Variants in COL18A1 observed in about 807,000 individuals in gnomAD.
COL18A1 encodes the protein collagen alpha-1(XVIII) chain.
In COL18A1, 133 loss-of-function variants were observed where a neutral mutation model predicts 168.0. That is an observed-to-expected ratio of 0.79 (90% confidence interval 0.69 to 0.91). The LOEUF is 0.91. Among genes scored for constraint, COL18A1 ranks in the 40% least tolerant of loss-of-function variants. The pLI, the probability that COL18A1 is intolerant of heterozygous loss-of-function variation, is 0.00. For synonymous variants in COL18A1, 949 were observed against 809.0 expected, an observed-to-expected ratio of 1.17 and a Z score of -2.94; for missense variants, 2,126 against 1,925.4, an observed-to-expected ratio of 1.10 and a Z score of -1.95.
At chr21:45,474,799 C>G (rs986363507) in intron 4 of COL18A1, among the ~76,000 whole-genome samples, 3 of 152,248 alleles carry the variant, frequency 2.0e-5, no homozygotes, top group Non-Finnish European at 1.5e-5. Context: ...CAGGAGACAC[C>G]GTGGCTGGAC....
At chr21:45,492,853 A>G in intron 24 of COL18A1, 140 bp downstream of exon 24, 1 of 782,324 alleles carries the variant, frequency 1.3e-6, no homozygotes, top group Non-Finnish European at 2.2e-6. Context: ...CAAGGAAATG[A>G]TGGGAGTGGG....
intron 21 of COL18A1, 86 bp from the exon 22 acceptor site, chr21:45,491,139 G>A (rs957876101): frequency 2.4e-6 from 3 of 1,239,038 alleles, no homozygotes; most frequent in Middle Eastern, 2.0e-4. Context: ...GTGGGCTCTG[G>A]GCACCCCCTC....
intron 2 of COL18A1, among the ~76,000 whole-genome samples, chr21:45,446,034 A>G (rs1351044637): frequency 6.6e-6 from 1 of 152,206 alleles, no homozygotes. Context: ...GGTTATGAAA[A>G]AGAAAACCTT....
At position 45,452,832 on chromosome 21, in the gene COL18A1, CAT is replaced by C. The variant is rs112353504; in HGVS notation, c.107-15409_107-15408del. ...TGTGTATGCATGTGAGCATGTATGACATGTGTAAACATGTATGTATGTGTGGG... is the reference window on the plus strand; with the variant it reads ...TGTGTATGCATGTGAGCATGTATGACGTGTAAACATGTATGTATGTGTGGG... On this transcript the variant is annotated intron_variant, in intron 2 of 41. Transcript: ENST00000651438. Among the ~76,000 whole-genome samples the C allele has an allele frequency of 3.2e-3, 453 of 142,760 alleles. 2 individuals are homozygous for C. The highest frequency in any genetic ancestry group is 0.01 in the African/African-American group (373 of 36,318). The allele number at this position is 142,760 out of a possible 152,430, so 93.7% of individuals were successfully genotyped here. A position where few individuals can be genotyped will look rare whatever the true frequency, so the allele number is the denominator to read the frequency against.
intron 3 of COL18A1, 40 bp downstream of exon 3, chr21:45,468,826 T>A: frequency 1.6e-6 from 1 of 610,140 alleles, no homozygotes; most frequent in Non-Finnish European, 2.6e-6. Context: ...CTGGAGCAGC[T>A]GGGATGGGGT....
At chr21:45,408,568 G>T (rs568389185) in intron 2 of COL18A1, 1 of 152,384 alleles carries the variant, frequency 6.6e-6, no homozygotes, top group South Asian at 2.1e-4. Flanking sequence ...TGATTGCTGG[G>T]AACAGACAGT....
intron 13 of COL18A1, 62 bp from the exon 14 acceptor site, chr21:45,481,884 GCCCAGATAACCTGTTAA>G: frequency 9.9e-7 from 1 of 1,007,562 alleles, no homozygotes; most frequent in Non-Finnish European, 1.6e-6. Flanking sequence ...ACCTGCGGAA[GCCCAGATAACCTGTTAA>G]CCCAGAAATC....
intron 22 of COL18A1, 149 bp downstream of exon 22, chr21:45,491,463 C>CCG: frequency 2.5e-6 from 1 of 399,952 alleles, no homozygotes; most frequent in South Asian, 2.1e-5. Context: ...TCGGTGGGGG[C>CCG]TGCAGACGCC....
At chr21:45,495,857 A>G (rs1387393891) in intron 29 of COL18A1, 2 of 319,318 alleles carry the variant, frequency 6.3e-6, no homozygotes. Context: ...ACACTCATAC[A>G]TGTGCACGTA....
Position 45,477,970 on chromosome 21 carries a change from G to A in COL18A1, c.1221+5G>A, listed in dbSNP as rs1473793895. 7.0e-7 allele frequency: 1 copy of A among 1,431,358 alleles called. No homozygotes were observed. Among genetic ancestry groups the A allele is most frequent in the East Asian group, 2.5e-5 (1 of 40,470 alleles). The allele number at this position is 1,431,358 out of a possible 1,614,324, so 88.7% of individuals were successfully genotyped here. ...CCTGGAAGGGACGGCGAGCCGGTGAGTCCTCACGTCCCCCCGAGTCCGGCC... is the reference window on the plus strand; with the variant it reads ...CCTGGAAGGGACGGCGAGCCGGTGAATCCTCACGTCCCCCCGAGTCCGGCC... On this transcript the variant is annotated splice_donor_5th_base_variant and intron_variant, in intron 8 of 41. Coordinates refer to ENST00000651438, the MANE Select transcript of COL18A1 (RefSeq NM_001379500.1).
At chr21:45,504,261 A>AG in intron 33 of COL18A1, 155 bp from the exon 34 acceptor site, 1 of 868,966 alleles carries the variant, frequency 1.2e-6, no homozygotes, top group Non-Finnish European at 1.8e-6. Context: ...ATGCAGTGGG[A>AG]GGTGGGGAGT....
chr21:45,452,174 C>G (rs1186750881), intron 2 of COL18A1, among the ~76,000 whole-genome samples: 1 of 152,262 alleles, frequency 6.6e-6, no homozygotes, highest in Non-Finnish European at 1.5e-5. Context: ...ACAGTCGGGC[C>G]CTTTACACAG....
At position 45,480,123 on chromosome 21, in the gene COL18A1, GC is replaced by G; in HGVS notation, c.1370del (p.Pro457GlnfsTer10). The G allele has an allele frequency of 6.2e-7, 1 of 1,601,686 alleles. No homozygotes were observed. Among genetic ancestry groups the G allele is most frequent in the Non-Finnish European group, 8.6e-7 (1 of 1,169,174 alleles). ...CCCCAGGACCCCAAGGGCCTCCAGGGCCCCCAGGACCCTCCTTCAGACACGA... is the reference window on the plus strand; with the variant it reads ...CCCCAGGACCCCAAGGGCCTCCAGGGCCCCAGGACCCTCCTTCAGACACGA... ...GPPGPQGPPGPPGPSFRHDKL... is the reference protein window; with the variant it reads ...GPPGPQGPPGXPGPSFRHDKL... On this transcript the variant is annotated frameshift_variant, in exon 11 of 42. Coordinates refer to ENST00000651438, the MANE Select transcript of COL18A1 (RefSeq NM_001379500.1). LOFTEE classifies it high-confidence loss of function.
chr21:45,420,669 GGAGGGC>G (rs1041331429), intron 2 of COL18A1: 2 of 152,424 alleles, frequency 1.3e-5, no homozygotes, highest in African/African-American at 4.8e-5. Context: ...CCTGGCAACA[GGAGGGC>G]GAGTGGGGGC....
chr21:45,452,112 T>A (rs2034635075), intron 2 of COL18A1, among the ~76,000 whole-genome samples: 2 of 152,244 alleles, frequency 1.3e-5, no homozygotes, highest in Non-Finnish European at 2.9e-5. Context: ...GCCGAAACCC[T>A]GGTCCGCACT....
intron 2 of COL18A1, among the ~76,000 whole-genome samples, chr21:45,405,853 T>G (rs1204448485): frequency 3.3e-5 from 5 of 151,656 alleles, no homozygotes; most frequent in Non-Finnish European, 7.4e-5. Flanking sequence ...GTCCCGGGAC[T>G]GACCGCGGGC....
rs1569270307 is a variant in COL18A1 at position 45,405,323 on chromosome 21, GTCCT to G, written c.12-55_12-52del. 4 of 1,009,852 alleles carry G rather than the reference GTCCT, an allele frequency of 4.0e-6. No homozygotes were observed. The African/African-American group carries it at 8.1e-5, about 20-fold the overall frequency. 62.6% of individuals were successfully genotyped at this position (1,009,852 alleles called of 1,614,324 possible). On this transcript the variant is annotated intron_variant, in intron 1 of 41. Transcript: ENST00000651438. ...CGCGGGGGTCGCGGGGCTCGGCCGG[GTCCT>G]GCGGGGGTCGCGGGGGTCCTGCGGG...
chr21:45,477,541 C>T lies in COL18A1; in HGVS notation c.1005+54C>T, dbSNP rs1211439076. ...CATTCTGAACCAGAGCACCTGTGGC[C>T]TTTTGGGCCACTCACTGGTGAGCCC... On this transcript the variant is annotated intron_variant, in intron 7 of 41. Coordinates refer to ENST00000651438, the MANE Select transcript of COL18A1 (RefSeq NM_001379500.1). 22 of 1,520,080 alleles carry T rather than the reference C, an allele frequency of 1.4e-5. No homozygotes were observed. In the Admixed American group the frequency reaches 4.0e-4, roughly 28 times the overall value. 94.2% of individuals were successfully genotyped at this position (1,520,080 alleles called of 1,614,324 possible). A position where few individuals can be genotyped will look rare whatever the true frequency, so the allele number is the denominator to read the frequency against.
intron 2 of COL18A1, 60 bp downstream of exon 2, chr21:45,405,533 C>T: frequency 9.2e-7 from 1 of 1,081,820 alleles, no homozygotes. Flanking sequence ...GCCGCCCTGG[C>T]TGGGGTCCCC....
Sources: gnomAD v4.1 joint callset for allele counts (sites outside exome capture counted in the v4.1 genomes callset) on GRCh38, gnomAD v4.1.1 for gene constraint, MANE v1.5 for transcripts, NCBI Gene and HGNC (gene_info 2026-07-23, HGNC 2026-07-21) for gene names.